UTRN: variants seen among roughly 807,000 people sequenced by gnomAD.
UTRN encodes the protein dystrophin-related protein 1.
Under a neutral mutation model 463.9 loss-of-function variants are expected in UTRN, and 283 were observed. The ratio of observed to expected loss-of-function variants is 0.61; its 90% CI spans 0.55 to 0.67. The LOEUF (loss-of-function observed/expected upper bound fraction) is 0.67, where lower values mean the gene tolerates loss of function less well. Among genes scored for constraint, UTRN ranks in the 30% least tolerant of loss-of-function variants. The pLI is 0.00. For synonymous variants in UTRN, 1,442 were observed against 1,431.5 expected (o/e 1.01, Z -0.17); for missense variants, 3,922 against 4,084.3 (o/e 0.96, Z 1.08).
chr6:144,474,848 G>A lies in UTRN; in HGVS notation c.3336+89G>A, dbSNP rs1252413480. 6.9e-6 allele frequency: 10 copies of A among 1,439,776 alleles called. No individual in the cohort carries two copies. In the Admixed American group the frequency reaches 2.4e-4, roughly 34 times the overall value. 89.2% of individuals were successfully genotyped at this position (1,439,776 alleles called of 1,614,324 possible). On this transcript the variant is annotated intron_variant, in intron 25 of 74. Transcript: ENST00000367545. ...GACTAAATGTATTATGACCCATCCA[G>A]TTTGAAAAACGATGGTCTAGAATAA...
intron 69 of UTRN, among the ~76,000 whole-genome samples, chr6:144,833,382 C>T (rs1013291286): frequency 2.6e-5 from 4 of 152,124 alleles, no homozygotes; most frequent in Admixed American, 6.5e-5. Flanking sequence ...CTTTTTCCAC[C>T]GCTGAACATG....
intron 51 of UTRN, among the ~76,000 whole-genome samples, chr6:144,614,357 A>G (rs1805843479): frequency 6.6e-6 from 1 of 152,092 alleles, no homozygotes; most frequent in African/African-American, 2.4e-5. Context: ...TGGCTACCAA[A>G]TCATAGGAAA....
chr6:144,391,771 A>G (rs551121862), intron 2 of UTRN, among the ~76,000 whole-genome samples: 1 of 152,258 alleles, frequency 6.6e-6, no homozygotes, highest in Non-Finnish European at 1.5e-5. Flanking sequence ...CCTCCCCAGT[A>G]GCTGGGACTA....
chr6:144,382,656 A>G (rs1213156964), intron 2 of UTRN, among the ~76,000 whole-genome samples: 1 of 152,230 alleles, frequency 6.6e-6, no homozygotes, highest in Non-Finnish European at 1.5e-5. Flanking sequence ...ATTGTTCAAG[A>G]CATAAAGCAG....
At position 144,453,772 on chromosome 6, in the gene UTRN, T is replaced by C. The variant is rs1291764319; in HGVS notation, c.2197-10T>C. On this transcript the variant is annotated splice_polypyrimidine_tract_variant and intron_variant, in intron 18 of 74. Transcript: ENST00000367545. ...TTTGCAATATTCTTATGTTGGGACT[T>C]CATTTGCAGGCATTAGAAAAAGAAC... 1 of 1,609,918 alleles carries C rather than the reference T, an allele frequency of 6.2e-7. No individual in the cohort carries two copies. The highest frequency in any genetic ancestry group is 1.1e-5 in the South Asian group (1 of 90,420).
chr6:144,366,769 A>G lies in UTRN; in HGVS notation c.80-36354A>G, dbSNP rs113245465. Reference sequence around the variant, plus strand: ...TATTCCTTTGGGTTTATACCCAGTAATGGCATTTCTGGGTTGAATGGTCTT... The same window carrying G: ...TATTCCTTTGGGTTTATACCCAGTAGTGGCATTTCTGGGTTGAATGGTCTT... On this transcript the variant is annotated intron_variant, in intron 2 of 74. Coordinates refer to ENST00000367545, the MANE Select transcript of UTRN (RefSeq NM_007124.3). 8.4e-3 allele frequency among the ~76,000 whole-genome samples: 1,282 copies of G among 152,242 alleles called. 18 individuals are homozygous for G. Among genetic ancestry groups the G allele is most frequent in the African/African-American group, 0.029 (1,189 of 41,542 alleles).
chr6:144,489,136 G>A (rs1013876036), intron 30 of UTRN, among the ~76,000 whole-genome samples: 6 of 151,872 alleles, frequency 4.0e-5, no homozygotes, highest in African/African-American at 1.2e-4. Flanking sequence ...TGCAACCTCC[G>A]CCTCCTGGGT....
intron 51 of UTRN, among the ~76,000 whole-genome samples, chr6:144,596,301 A>G (rs1428666668): frequency 1.3e-5 from 2 of 152,140 alleles, no homozygotes; most frequent in Admixed American, 6.5e-5. Context: ...CAGGTGTCTT[A>G]TGGTTTTTCC....
intron 4 of UTRN, 95 bp from the exon 5 acceptor site, chr6:144,423,454 G>A (rs752741938): frequency 1.2e-4 from 149 of 1,279,702 alleles, no homozygotes; most frequent in Non-Finnish European, 1.6e-4. Context: ...GGCCCTGTAC[G>A]CTGAGCTTCA....
intron 41 of UTRN, 78 bp downstream of exon 41, chr6:144,523,266 C>G (rs2128596860): frequency 1.7e-6 from 2 of 1,147,290 alleles, no homozygotes; most frequent in Non-Finnish European, 2.4e-6. Flanking sequence ...CATGTGGACA[C>G]TGAGATTAAT....
At chr6:144,607,830 G>T (rs1187097020) in intron 51 of UTRN, among the ~76,000 whole-genome samples, 1 of 152,122 alleles carries the variant, frequency 6.6e-6, no homozygotes, top group Admixed American at 6.6e-5. Context: ...ACAAGAACAA[G>T]GACTGATGAA....
chr6:144,773,028 A>C (rs1794258666), intron 59 of UTRN, among the ~76,000 whole-genome samples: 1 of 152,056 alleles, frequency 6.6e-6, no homozygotes. Context: ...GACAAACAAA[A>C]GACATAGAAC....
At chr6:144,808,680 C>T (rs577678684) in intron 65 of UTRN, among the ~76,000 whole-genome samples, 1 of 152,006 alleles carries the variant, frequency 6.6e-6, no homozygotes, top group South Asian at 2.1e-4. Context: ...TCCTCCACCC[C>T]CCAGCCCCTG....
chr6:144,655,882 A>G (rs1279631196), intron 51 of UTRN, among the ~76,000 whole-genome samples: 1 of 152,212 alleles, frequency 6.6e-6, no homozygotes, highest in Middle Eastern at 3.2e-3. Context: ...AGTACAAAAC[A>G]TTTGTAAATT....
chr6:144,675,805 T>G (rs1302259952), intron 51 of UTRN, among the ~76,000 whole-genome samples: 2 of 152,288 alleles, frequency 1.3e-5, no homozygotes, highest in East Asian at 3.9e-4. Context: ...GGTATGTTCC[T>G]GCAGTGGTTC....
rs376904228 is a variant in UTRN, at chr6:144,774,564, C to A, written c.8632+200C>A. On this transcript the variant is annotated intron_variant, in intron 60 of 74. Coordinates refer to ENST00000367545, the MANE Select transcript of UTRN (RefSeq NM_007124.3). ...TGTGCAGTACTGAACACATGCCATTCTTACTTGGAGAACAAAATTAACCAA... is the reference window on the plus strand; with the variant it reads ...TGTGCAGTACTGAACACATGCCATTATTACTTGGAGAACAAAATTAACCAA... 1.5e-4 allele frequency among the ~76,000 whole-genome samples: 23 copies of A among 152,200 alleles called. No individual in the cohort carries two copies. In the South Asian group the frequency reaches 4.6e-3, roughly 30 times the overall value.
At chr6:144,440,767 C>G (rs1253976677) in intron 13 of UTRN, among the ~76,000 whole-genome samples, 1 of 152,124 alleles carries the variant, frequency 6.6e-6, no homozygotes. Flanking sequence ...TTTCACACTG[C>G]TGATAAAGAC....
At chr6:144,516,129 T>A in intron 37 of UTRN, 100 bp from the exon 38 acceptor site, 1 of 1,235,076 alleles carries the variant, frequency 8.1e-7, no homozygotes. Context: ...AAAAGTCAGT[T>A]AAAAAAGTGT....
intron 52 of UTRN, among the ~76,000 whole-genome samples, chr6:144,693,926 T>C (rs931726230): frequency 2.6e-5 from 4 of 152,304 alleles, no homozygotes; most frequent in African/African-American, 7.2e-5. Flanking sequence ...CTTCCAATAT[T>C]GTGTTGAAGG....
Sources: gnomAD v4.1 joint callset for allele counts (sites outside exome capture counted in the v4.1 genomes callset) on GRCh38, gnomAD v4.1.1 for gene constraint, MANE v1.5 for transcripts, NCBI Gene and HGNC (gene_info 2026-07-23, HGNC 2026-07-21) for gene names.